The following GRM5 variants were observed in gnomAD, a reference collection of about 807,000 sequenced individuals.
The protein encoded by GRM5 is glutamate metabotropic receptor 5.
In GRM5, 19 loss-of-function variants were observed where a neutral mutation model predicts 83.1. That is an observed-to-expected ratio of 0.23 (90% CI 0.16 to 0.34). GRM5 has a LOEUF of 0.34. Ranked by LOEUF, GRM5 falls within the 10% of genes least tolerant of loss-of-function variation. The pLI is 1.00. For missense variants in GRM5, 1,160 were observed against 1,588.3 expected, an observed-to-expected ratio of 0.73 and a Z score of 4.58; for synonymous variants, 675 against 633.6, an observed-to-expected ratio of 1.07 and a Z score of -0.98.
chr11:88,925,953 T>C (rs1392544684), intron 2 of GRM5: 1 of 291,836 alleles, frequency 3.4e-6, no homozygotes, highest in Non-Finnish European at 6.8e-6. Context: ...TTCCTGCCCA[T>C]TAAAACTTTC....
chr11:88,564,579 A>T (rs546131325), intron 8 of GRM5, among the ~76,000 whole-genome samples: 1 of 152,160 alleles, frequency 6.6e-6, no homozygotes, highest in Non-Finnish European at 1.5e-5. Flanking sequence ...ATAAAAGTTA[A>T]TAGTACAACT....
chr11:88,630,090 G>A (rs1938921107), intron 4 of GRM5, among the ~76,000 whole-genome samples: 1 of 152,000 alleles, frequency 6.6e-6, no homozygotes, highest in Non-Finnish European at 1.5e-5. Context: ...AACGACTTGG[G>A]TCACACCTTC....
intron 3 of GRM5, among the ~76,000 whole-genome samples, chr11:88,728,587 G>A (rs1408870634): frequency 2.0e-5 from 3 of 151,992 alleles, no homozygotes; most frequent in Admixed American, 1.3e-4. Flanking sequence ...AAAATTTCAG[G>A]CCAGTATCCC....
intron 9 of GRM5, 30 bp downstream of exon 9, chr11:88,525,279 A>G: frequency 5.5e-6 from 7 of 1,283,054 alleles, no homozygotes; most frequent in Non-Finnish European, 7.9e-6. Context: ...TTTATTTCAC[A>G]CCACCTCAGG....
intron 2 of GRM5, among the ~76,000 whole-genome samples, chr11:89,043,962 A>G (rs1198651775): frequency 1.3e-5 from 2 of 152,202 alleles, no homozygotes; most frequent in Non-Finnish European, 2.9e-5. Context: ...TCAGAAGGCC[A>G]GTGCTACATG....
chr11:88,613,417 C>A (rs1345054978), intron 4 of GRM5, among the ~76,000 whole-genome samples: 2 of 152,116 alleles, frequency 1.3e-5, no homozygotes, highest in Non-Finnish European at 2.9e-5. Flanking sequence ...ATAGTTGAGT[C>A]TTCTTGTTTG....
At chr11:88,992,766 G>T (rs568142367) in intron 2 of GRM5, among the ~76,000 whole-genome samples, 2 of 149,084 alleles carry the variant, frequency 1.3e-5, no homozygotes, top group South Asian at 4.2e-4. Context: ...CTATCGCAAG[G>T]ACAAAAAACC....
intron 3 of GRM5, among the ~76,000 whole-genome samples, chr11:88,767,296 G>T (rs1942642269): frequency 6.6e-6 from 1 of 151,926 alleles, no homozygotes. Context: ...AAACAGAATT[G>T]CTATTTGATC....
At chr11:88,745,954 A>G (rs1490370650) in intron 3 of GRM5, among the ~76,000 whole-genome samples, 2 of 152,190 alleles carry the variant, frequency 1.3e-5, no homozygotes, top group African/African-American at 4.8e-5. Flanking sequence ...TGGTTCCCTC[A>G]TCTTTAAAAC....
In GRM5 at chr11:88,605,014, C is replaced by T. The variant is rs79652346; in HGVS notation, c.1148-50G>A. 222 of 1,498,476 alleles carry T rather than the reference C, an allele frequency of 1.5e-4. No homozygotes were observed. In the East Asian group the frequency reaches 2.2e-3, roughly 15 times the overall value. The allele number at this position is 1,498,476 out of a possible 1,614,324, so 92.8% of individuals were successfully genotyped here. ...GCTTTGAGGTACAAATCTACTCTCG[C>T]GACATTCCTGGGTACTGAATAATGG... On this transcript the variant is annotated intron_variant, in intron 4 of 9. Coordinates refer to ENST00000305447, the MANE Select transcript of GRM5 (RefSeq NM_001143831.3).
intron 1 of GRM5, among the ~76,000 whole-genome samples, chr11:89,054,974 T>A (rs1443248643): frequency 6.6e-6 from 1 of 152,234 alleles, no homozygotes; most frequent in Non-Finnish European, 1.5e-5. Flanking sequence ...TTAGTATTTT[T>A]AATTTGGAAC....
At position 88,636,620 on chromosome 11, in the gene GRM5, T is replaced by C. The variant is rs1939130045; in HGVS notation, c.1147+16548A>G. 2.0e-5 allele frequency among the ~76,000 whole-genome samples: 3 copies of C among 152,244 alleles called. No individual in the cohort carries two copies. The South Asian group carries it at 6.2e-4, about 32-fold the overall frequency. On this transcript the variant is annotated intron_variant, in intron 4 of 9. Transcript: ENST00000305447. ...CTCATTAAAAAATATTATATGTTAA[T>C]ACAATTCCATGAATCAATTTTTGAA... is the stretch of plus-strand genomic sequence containing the variant.
At chr11:89,043,138 T>C (rs1565348756) in intron 2 of GRM5, among the ~76,000 whole-genome samples, 1 of 152,152 alleles carries the variant, frequency 6.6e-6, no homozygotes, top group African/African-American at 2.4e-5. Flanking sequence ...CCACATACTA[T>C]ATAGTCATAA....
intron 9 of GRM5, among the ~76,000 whole-genome samples, chr11:88,517,419 T>C (rs1372708894): frequency 6.6e-6 from 1 of 152,084 alleles, no homozygotes; most frequent in Non-Finnish European, 1.5e-5. Flanking sequence ...TGAGACACAG[T>C]GGCAAAAAAA....
chr11:88,967,225 G>A lies in GRM5; in HGVS notation c.661+79987C>T, dbSNP rs61903050. 1.0e-3 allele frequency among the ~76,000 whole-genome samples: 118 copies of A among 117,904 alleles called. 3 individuals are homozygous for A. Among genetic ancestry groups the A allele is most frequent in the Middle Eastern group, 4.8e-3 (1 of 210 alleles). 77.3% of individuals were successfully genotyped at this position (117,904 alleles called of 152,430 possible). ...TGTGTGTGTGTGTGTATATATGTGT[G>A]TGTATGTATATATATATATACACAT... On this transcript the variant is annotated intron_variant, in intron 2 of 9. Transcript: ENST00000305447.
At chr11:88,892,227 G>C (rs1945157650) in intron 2 of GRM5, among the ~76,000 whole-genome samples, 1 of 150,980 alleles carries the variant, frequency 6.6e-6, no homozygotes, top group Admixed American at 6.6e-5. Flanking sequence ...TTGACAGGAA[G>C]TGTATGCTTC....
intron 3 of GRM5, among the ~76,000 whole-genome samples, chr11:88,670,955 T>C (rs1391879): frequency 0.18 from 27,531 of 151,846 alleles, 2,656 homozygotes; most frequent in Admixed American, 0.29. Flanking sequence ...TAAGTATGTT[T>C]CTAACAGAAA....
At chr11:88,803,736 G>C (rs1202153318) in intron 3 of GRM5, among the ~76,000 whole-genome samples, 1 of 151,954 alleles carries the variant, frequency 6.6e-6, no homozygotes, top group Non-Finnish European at 1.5e-5. Context: ...ACTACCATCA[G>C]AGTGAACAGG....
intron 2 of GRM5, among the ~76,000 whole-genome samples, chr11:88,907,367 C>G (rs1172529283): frequency 2.0e-5 from 3 of 152,124 alleles, no homozygotes; most frequent in Non-Finnish European, 4.4e-5. Flanking sequence ...TGCCCCCACT[C>G]TGTCCAAAAC....
Sources: gnomAD v4.1 joint callset for allele counts (sites outside exome capture counted in the v4.1 genomes callset) on GRCh38, gnomAD v4.1.1 for gene constraint, MANE v1.5 for transcripts, NCBI Gene and HGNC (gene_info 2026-07-23, HGNC 2026-07-21) for gene names.